CLNK: variants seen among roughly 807,000 people sequenced by gnomAD.
CLNK encodes cytokine-dependent hematopoietic cell linker.
A neutral mutation model predicts 68.6 loss-of-function variants in CLNK; 74 were observed. The observed-to-expected ratio is 1.08, with a 90% confidence interval of 0.89 to 1.31. CLNK has a LOEUF of 1.31. Among genes scored for constraint, CLNK ranks in the 50% most tolerant of loss-of-function variants. The pLI, the probability that CLNK is intolerant of heterozygous loss-of-function variation, is 0.00. For missense variants in CLNK, 553 were observed against 515.3 expected (o/e 1.07, Z -0.71); for synonymous variants, 198 against 172.2 (o/e 1.15, Z -1.17).
At chr4:10,574,821 T>A (rs946216572) in intron 4 of CLNK, among the ~76,000 whole-genome samples, 1 of 152,170 alleles carries the variant, frequency 6.6e-6, no homozygotes, top group Non-Finnish European at 1.5e-5. Context: ...AAAAGCATTG[T>A]GAAAATCCCT....
At chr4:10,610,011 T>G (rs1157775738) in intron 2 of CLNK, among the ~76,000 whole-genome samples, 1 of 149,904 alleles carries the variant, frequency 6.7e-6, no homozygotes, top group African/African-American at 2.5e-5. Context: ...AGCCTCGTTA[T>G]GTGCCTTTTA....
At chr4:10,562,491 T>C (rs1490946858) in intron 7 of CLNK, among the ~76,000 whole-genome samples, 1 of 152,148 alleles carries the variant, frequency 6.6e-6, no homozygotes, top group Non-Finnish European at 1.5e-5. Context: ...CTGCAACCTC[T>C]GACTCCTGGG....
rs11947022 is a variant in CLNK, at chr4:10,542,820, G to A, written c.446-540C>T. The stretch of plus-strand genomic sequence containing the variant: ...CCAGAATCCAACTTCTTTATTTTAT[G>A]GATGAAAAAAAAAACTAAGGACAAA... On this transcript the variant is annotated intron_variant, in intron 8 of 18. Transcript: ENST00000226951. Among the ~76,000 whole-genome samples, 945 of 151,434 alleles carry A rather than the reference G, an allele frequency of 6.2e-3. 11 individuals carry two copies. The highest frequency in any genetic ancestry group is 0.022 in the African/African-American group (891 of 41,248).
chr4:10,548,355 A>AT (rs1462340582), intron 8 of CLNK, among the ~76,000 whole-genome samples: 1 of 152,102 alleles, frequency 6.6e-6, no homozygotes, highest in Admixed American at 6.6e-5. Flanking sequence ...AAGGTCACTC[A>AT]TTTTTTAGCT....
intron 2 of CLNK, among the ~76,000 whole-genome samples, chr4:10,608,665 G>A (rs1248263318): frequency 2.6e-5 from 4 of 152,126 alleles, no homozygotes; most frequent in South Asian, 2.1e-4. Flanking sequence ...TGTTGAAATC[G>A]GGAAGAAAAC....
chr4:10,609,488 C>T (rs551334427), intron 2 of CLNK, among the ~76,000 whole-genome samples: 1 of 152,222 alleles, frequency 6.6e-6, no homozygotes, highest in Non-Finnish European at 1.5e-5. Context: ...GCCACCTGCA[C>T]AGTCATCATT....
the CLNK span, among the ~76,000 whole-genome samples, chr4:10,727,651 G>A: frequency 1.2e-4 from 18 of 152,348 alleles, no homozygotes; most frequent in South Asian, 1.9e-3. Context: ...CCCAAAGGGT[G>A]AGGGGACAGT....
intron 8 of CLNK, among the ~76,000 whole-genome samples, chr4:10,551,431 A>ATTTT (rs71181045): frequency 2.0e-5 from 3 of 149,278 alleles, no homozygotes; most frequent in Non-Finnish European, 4.4e-5. Flanking sequence ...ATATATATAT[A>ATTTT]TTTTTTTTTA....
chr4:10,555,166 C>G (rs891115809), intron 8 of CLNK, among the ~76,000 whole-genome samples: 1 of 151,986 alleles, frequency 6.6e-6, no homozygotes, highest in African/African-American at 2.4e-5. Flanking sequence ...TCAATCAGCT[C>G]GTGTTTCTGG....
intron 2 of CLNK, among the ~76,000 whole-genome samples, chr4:10,621,815 C>T (rs1405094507): frequency 6.6e-6 from 1 of 152,114 alleles, no homozygotes; most frequent in Non-Finnish European, 1.5e-5. Context: ...AGCCTATTGT[C>T]CTGTGATTAG....
intron 18 of CLNK, among the ~76,000 whole-genome samples, chr4:10,492,287 C>G (rs747878999): frequency 4.6e-5 from 7 of 152,144 alleles, no homozygotes; most frequent in Non-Finnish European, 1.0e-4. Context: ...GATGCTCCAA[C>G]AAACCAGGGT....
chr4:10,606,154 T>C (rs1007004125), intron 2 of CLNK, among the ~76,000 whole-genome samples: 8 of 152,216 alleles, frequency 5.3e-5, no homozygotes, highest in East Asian at 3.8e-4. Flanking sequence ...AAGATACTTG[T>C]TATATACTTA....
intron 13 of CLNK, among the ~76,000 whole-genome samples, chr4:10,526,368 A>T (rs964652544): frequency 6.6e-6 from 1 of 152,220 alleles, no homozygotes; most frequent in Non-Finnish European, 1.5e-5. Context: ...TGGTTCGTAC[A>T]TTCTAATGAA....
Position 10,490,887 on chromosome 4 carries a change from C to A in CLNK, c.1141-274G>T, listed in dbSNP as rs183772315. On this transcript the variant is annotated intron_variant, in intron 18 of 18. Transcript: ENST00000226951. ...TCAAGTGATTCTCCTGTCTCAGCCT[C>A]CCAAGTAGCTGGGATTACAAGCATG... Among the ~76,000 whole-genome samples, 10 of 152,204 alleles carry A rather than the reference C, an allele frequency of 6.6e-5. No individual in the cohort carries two copies. The East Asian group carries it at 1.9e-3, about 29-fold the overall frequency.
intron 2 of CLNK, among the ~76,000 whole-genome samples, chr4:10,611,829 G>A (rs1185450580): frequency 6.6e-6 from 1 of 151,974 alleles, no homozygotes; most frequent in Non-Finnish European, 1.5e-5. Flanking sequence ...CTGTGTTGCA[G>A]CCAGGATCCT....
intron 2 of CLNK, among the ~76,000 whole-genome samples, chr4:10,651,526 C>T (rs1053395357): frequency 6.6e-6 from 1 of 152,128 alleles, no homozygotes; most frequent in Non-Finnish European, 1.5e-5. Context: ...GGGAGGGGAA[C>T]ATCACACACT....
the CLNK span, among the ~76,000 whole-genome samples, chr4:10,730,654 G>GA: frequency 6.6e-6 from 1 of 151,988 alleles, no homozygotes; most frequent in Non-Finnish European, 1.5e-5. Flanking sequence ...GAGATCAAAG[G>GA]GAAAAAACCC....
chr4:10,688,150 T>A (rs1244075335), upstream of CLNK, among the ~76,000 whole-genome samples: 3 of 152,336 alleles, frequency 2.0e-5, no homozygotes, highest in Non-Finnish European at 4.4e-5. Context: ...GCTTGGCTTT[T>A]GTTGGGCCTG....
At chr4:10,660,230 AT>A (rs1218828510) in intron 2 of CLNK, among the ~76,000 whole-genome samples, 2 of 152,164 alleles carry the variant, frequency 1.3e-5, no homozygotes, top group African/African-American at 4.8e-5. Context: ...TGTTAATTGA[AT>A]TTGTCAAATT....
Sources: gnomAD v4.1 joint callset for allele counts (sites outside exome capture counted in the v4.1 genomes callset) on GRCh38, gnomAD v4.1.1 for gene constraint, MANE v1.5 for transcripts, NCBI Gene and HGNC (gene_info 2026-07-23, HGNC 2026-07-21) for gene names.